SEL1L3: variants seen among roughly 807,000 people sequenced by gnomAD.
SEL1L3 encodes protein sel-1 homolog 3.
In SEL1L3, 76 loss-of-function variants were observed where a neutral mutation model predicts 142.8. That is an observed-to-expected ratio of 0.53 (90% confidence interval 0.44 to 0.64). The LOEUF (loss-of-function observed/expected upper bound fraction) is 0.64, where lower values mean the gene tolerates loss of function less well. Among genes scored for constraint, SEL1L3 ranks in the 30% least tolerant of loss-of-function variants. SEL1L3 has a pLI of 0.00. For missense variants in SEL1L3, 1,262 were observed against 1,381.7 expected (o/e 0.91, Z 1.37); for synonymous variants, 504 against 519.6 (o/e 0.97, Z 0.41).
At chr4:25,820,029 C>G in intron 7 of SEL1L3, 89 bp from the exon 8 acceptor site, 2 of 1,280,486 alleles carry the variant, frequency 1.6e-6, no homozygotes, top group Non-Finnish European at 2.2e-6. Context: ...TGACTTTGTT[C>G]TCCCATTGAC....
intron 10 of SEL1L3, 115 bp downstream of exon 10, chr4:25,804,426 T>A (rs1713409336): frequency 1.1e-5 from 8 of 759,654 alleles, no homozygotes; most frequent in Non-Finnish European, 2.2e-6. Flanking sequence ...AGTGTAAAGA[T>A]TTTTAAAGGT....
intron 1 of SEL1L3, among the ~76,000 whole-genome samples, chr4:25,854,999 C>A (rs1371297564): frequency 1.3e-5 from 2 of 152,228 alleles, no homozygotes. Context: ...ATGGCCTGTG[C>A]AGAACATGGT....
rs530598915 is a variant in SEL1L3, at chr4:25,850,857, G to GT, written c.163-2994dup. On this transcript the variant is annotated intron_variant, in intron 1 of 23. Transcript: ENST00000399878. ...AGGGTTTTCTTTTTTTTGTTTGTTT[G>GT]TTTTTTTTTTTGAGTTGGAGTCTCA... Among the ~76,000 whole-genome samples, 864 of 146,016 alleles carry GT rather than the reference G, an allele frequency of 5.9e-3. 14 individuals are homozygous for GT. The highest frequency in any genetic ancestry group is 0.045 in the East Asian group (227 of 5,036).
intron 21 of SEL1L3, among the ~76,000 whole-genome samples, chr4:25,758,014 G>C (rs188302567): frequency 7.7e-4 from 118 of 152,326 alleles, no homozygotes; most frequent in Non-Finnish European, 1.5e-3. Flanking sequence ...AAAAAGGTCA[G>C]TTTTGTGCTT....
At chr4:25,752,375 C>G (rs906874622) in intron 23 of SEL1L3, among the ~76,000 whole-genome samples, 63 of 149,098 alleles carry the variant, frequency 4.2e-4, no homozygotes, top group African/African-American at 1.6e-3. Context: ...CGAGATAGCG[C>G]CACTGCACTC....
chr4:25,833,077 C>T lies in SEL1L3; in HGVS notation c.1016G>A (p.Gly339Glu), dbSNP rs777235365. The T allele has an allele frequency of 6.2e-7, 1 of 1,611,536 alleles. No individual in the cohort carries two copies. Among genetic ancestry groups the T allele is most frequent in the Non-Finnish European group, 8.5e-7 (1 of 1,177,848 alleles). ...TTTAGTTTTTACAGCAAGGTCTTCC[C>T]CTTTGACAAGATGCATCTGAATATG... ...YLHIQMHLVKGEDLAVKTKFI... is the reference protein window; with the variant it reads ...YLHIQMHLVKEEDLAVKTKFI... The change falls in exon 5 of 24, where the codon GGG becomes GAG. Residue 339 changes from glycine to glutamate, a missense_variant. Coordinates refer to ENST00000399878, the MANE Select transcript of SEL1L3 (RefSeq NM_015187.5).
chr4:25,755,642 A>G (rs925076565), intron 23 of SEL1L3, among the ~76,000 whole-genome samples: 5 of 152,172 alleles, frequency 3.3e-5, no homozygotes, highest in Non-Finnish European at 5.9e-5. Context: ...GCAAAACATC[A>G]CAGGACAGGA....
rs375766228 is a variant in SEL1L3, at chr4:25,802,833, G to A, written c.1777-371C>T. Among the ~76,000 whole-genome samples the A allele has an allele frequency of 5.9e-5, 9 of 152,048 alleles. No homozygotes were observed. In the South Asian group the frequency reaches 6.2e-4, roughly 11 times the overall value. On this transcript the variant is annotated intron_variant, in intron 10 of 23. Coordinates refer to ENST00000399878, the MANE Select transcript of SEL1L3 (RefSeq NM_015187.5). ...CCTGACCTCATGATCTACCCGCCTC[G>A]GTTTCTCAAAGTGCTGGGATTTAAC...
At chr4:25,827,880 C>CA (rs1028315881) in intron 6 of SEL1L3, among the ~76,000 whole-genome samples, 2 of 150,076 alleles carry the variant, frequency 1.3e-5, no homozygotes, top group Admixed American at 6.6e-5. Flanking sequence ...TGTCCTGAAA[C>CA]AAAAACCTTT....
At chr4:25,807,585 T>C (rs531079289) in intron 9 of SEL1L3, among the ~76,000 whole-genome samples, 102 of 152,216 alleles carry the variant, frequency 6.7e-4, no homozygotes, top group Admixed American at 5.4e-3. Context: ...TTGTTAAAGA[T>C]TCATCCCTGC....
chr4:25,714,500 TTTTCTTTCTTTCTTTC>T, the SEL1L3 span, among the ~76,000 whole-genome samples: 18,149 of 108,790 alleles, frequency 0.17, 1,482 homozygotes, highest in East Asian at 0.22. Context: ...CTTTCTTTCT[TTTTCTTTCTTTCTTTC>T]TTTCTTTCTT....
At chr4:25,847,997 A>G (rs2109310353) in intron 1 of SEL1L3, 133 bp from the exon 2 acceptor site, 1 of 633,660 alleles carries the variant, frequency 1.6e-6, no homozygotes, top group South Asian at 2.2e-5. Flanking sequence ...TGCGGGAGAT[A>G]AAAGATGTCA....
rs1453196584 is a variant in SEL1L3 at position 25,862,732 on chromosome 4, G to A, written c.105C>T (p.Gly35=). 3 of 1,273,024 alleles carry A rather than the reference G, an allele frequency of 2.4e-6. No homozygotes were observed. Among genetic ancestry groups the A allele is most frequent in the Non-Finnish European group, 2.0e-6 (2 of 1,008,888 alleles). The allele number at this position is 1,273,024 out of a possible 1,614,324, so 78.9% of individuals were successfully genotyped here. ...AGCGGCCGCCGAGGCCCTGGGGGAC[G>A]CCGCCACTCGGGACCATGGCTGCGG... ...PRAAAMVPSG[G]VPQGLGGRSA... Residue 35 remains glycine (G), a synonymous_variant, in exon 1 of 24, where the codon GGC becomes GGT. Transcript: ENST00000399878.
chr4:25,772,946 T>C (rs2109150328), intron 17 of SEL1L3, among the ~76,000 whole-genome samples: 2 of 152,202 alleles, frequency 1.3e-5, no homozygotes, highest in Admixed American at 6.5e-5. Flanking sequence ...TACAGGTGCA[T>C]ACCATCACAC....
intron 2 of SEL1L3, among the ~76,000 whole-genome samples, chr4:25,841,284 T>C (rs1436916159): frequency 1.3e-5 from 2 of 152,214 alleles, no homozygotes; most frequent in African/African-American, 4.8e-5. Flanking sequence ...TCTGCCTGCC[T>C]CAGCCTCCCA....
chr4:25,802,757 G>A (rs1713271217), intron 10 of SEL1L3, among the ~76,000 whole-genome samples: 2 of 151,904 alleles, frequency 1.3e-5, no homozygotes, highest in Non-Finnish European at 2.9e-5. Flanking sequence ...AATTTTTTAT[G>A]TTTTTAGTAG....
At chr4:25,842,931 C>T (rs1212333144) in intron 2 of SEL1L3, among the ~76,000 whole-genome samples, 1 of 152,032 alleles carries the variant, frequency 6.6e-6, no homozygotes, top group East Asian at 1.9e-4. Flanking sequence ...TGGGGGTGGG[C>T]CTGCTGTCTT....
chr4:25,750,700 T>C (rs1446238102), intron 23 of SEL1L3, among the ~76,000 whole-genome samples: 1 of 152,234 alleles, frequency 6.6e-6, no homozygotes, highest in Admixed American at 6.5e-5. Flanking sequence ...ATAAGGCTAC[T>C]GCTTTCTTCA....
intron 23 of SEL1L3, among the ~76,000 whole-genome samples, chr4:25,750,536 A>C (rs752658466): frequency 2.8e-4 from 42 of 152,308 alleles, no homozygotes; most frequent in South Asian, 6.2e-4. Context: ...ATTGTATGCT[A>C]TAAGTAAGAT....
Sources: allele counts gnomAD v4.1 joint callset (sites outside exome capture counted in the v4.1 genomes callset), GRCh38; gene constraint gnomAD v4.1.1; transcripts MANE v1.5; gene names NCBI Gene and HGNC (gene_info 2026-07-23, HGNC 2026-07-21).